Variants in TTC8 observed in about 807,000 individuals in gnomAD.
The protein encoded by TTC8 is tetratricopeptide repeat protein 8.
A neutral mutation model predicts 72.5 loss-of-function variants in TTC8; 47 were observed. The observed-to-expected ratio is 0.65, with a 90% CI of 0.51 to 0.83. The LOEUF is 0.83. TTC8 is among the 40% of genes least tolerant of loss of function. The pLI, the probability that TTC8 is intolerant of heterozygous loss-of-function variation, is 0.00. For missense variants in TTC8, 611 were observed against 623.2 expected (o/e 0.98, Z 0.21); for synonymous variants, 199 against 221.4 (o/e 0.90, Z 0.90).
In TTC8 at chr14:88,871,282, C is replaced by A. The variant is rs990703454; in HGVS notation, c.1050-267C>A. Among the ~76,000 whole-genome samples, 8 of 152,190 alleles carry A rather than the reference C, an allele frequency of 5.3e-5. No homozygotes were observed. The highest frequency in any genetic ancestry group is 1.9e-4 in the African/African-American group (8 of 41,438). On this transcript the variant is annotated intron_variant, in intron 11 of 14. Coordinates refer to ENST00000380656, the MANE Select transcript of TTC8 (RefSeq NM_144596.4). The surrounding 1 kb of genome is among the most constrained non-coding windows in gnomAD (Gnocchi z 4.1). ...TGTGACTATTTCTTATTTTGGTTCT[C>A]TAACAAAGCATTTGGGGAGAAAACT... is the stretch of plus-strand genomic sequence containing the variant.
At chr14:88,839,807 A>G (rs1002651943) in intron 3 of TTC8, among the ~76,000 whole-genome samples, 3 of 152,174 alleles carry the variant, frequency 2.0e-5, no homozygotes, top group African/African-American at 7.2e-5. Context: ...TATGAGATTG[A>G]TGTATAACAA....
intron 14 of TTC8, among the ~76,000 whole-genome samples, chr14:88,877,028 T>G (rs2094960143): frequency 6.6e-6 from 1 of 152,134 alleles, no homozygotes; most frequent in African/African-American, 2.4e-5. Flanking sequence ...TAGAAATTAT[T>G]TATATAATTG....
chr14:88,846,518 G>T, intron 7 of TTC8: 1 of 689,756 alleles, frequency 1.4e-6, no homozygotes, highest in South Asian at 1.9e-5. Context: ...TGAGGGGGAA[G>T]AGTTGTTGGT....
chr14:88,870,087 A>G lies in TTC8; in HGVS notation c.938A>G (p.Glu313Gly). The G allele has an allele frequency of 6.2e-7, 1 of 1,614,040 alleles. No individual in the cohort carries two copies. Among genetic ancestry groups the G allele is most frequent in the Non-Finnish European group, 8.5e-7 (1 of 1,179,944 alleles). ...EEMNNMSSAA[E>G]YYKEVLKQDN... Reference sequence around the variant, plus strand: ...ATGAACAATATGTCATCAGCAGCAGAATATTACAAAGAAGTTTTGAAACAA... The same window carrying G: ...ATGAACAATATGTCATCAGCAGCAGGATATTACAAAGAAGTTTTGAAACAA... Residue 313 changes from glutamate (E) to glycine (G), a missense_variant, in exon 11 of 15, where the codon GAA (glutamate) becomes GGA (glycine). Coordinates refer to ENST00000380656, the MANE Select transcript of TTC8 (RefSeq NM_144596.4).
intron 13 of TTC8, among the ~76,000 whole-genome samples, chr14:88,872,829 T>G (rs949016704): frequency 2.5e-4 from 38 of 152,118 alleles, no homozygotes; most frequent in Admixed American, 2.0e-4. Flanking sequence ...CACATCATAT[T>G]CAGCAAGCCC....
At chr14:88,850,933 G>A (rs184914828) in intron 7 of TTC8, among the ~76,000 whole-genome samples, 1 of 152,292 alleles carries the variant, frequency 6.6e-6, no homozygotes, top group African/African-American at 2.4e-5. Context: ...GTACATGGAA[G>A]GTATACAGTG....
At chr14:88,855,414 A>ACT (rs1223804185) in intron 8 of TTC8, among the ~76,000 whole-genome samples, 2 of 152,074 alleles carry the variant, frequency 1.3e-5, no homozygotes, top group African/African-American at 4.8e-5. Context: ...TATAAACTTG[A>ACT]CTGATGTTTT....
chr14:88,856,571 G>GT (rs2094857129), intron 8 of TTC8, among the ~76,000 whole-genome samples: 1 of 152,162 alleles, frequency 6.6e-6, no homozygotes, highest in Non-Finnish European at 1.5e-5. Flanking sequence ...TTTCCTGGGT[G>GT]TAAGAGGTAG....
rs150896551 is a variant in TTC8, at chr14:88,871,576, C to T, written c.1077C>T (p.Asn359=). 1.7e-3 allele frequency: 2,792 copies of T among 1,613,966 alleles called. 2 individuals carry two copies. Among genetic ancestry groups the T allele is most frequent in the Non-Finnish European group, 2.1e-3 (2,449 of 1,179,986 alleles). The change falls in exon 12 of 15, where the codon AAC becomes AAT. Residue 359 remains asparagine, a synonymous_variant. Coordinates refer to ENST00000380656, the MANE Select transcript of TTC8 (RefSeq NM_144596.4). This position sits in a 1 kb window ranked among gnomAD's most constrained non-coding sequence, Gnocchi z 4.1. ...GGCTGCTGCAGATGGGCATTTATAA[C>T]GGCCAGCTTTTTAACAATCTGGGGC... ...YRRLLQMGIY[N]GQLFNNLGLC... is the part of the protein sequence containing the mutation.
intron 2 of TTC8, among the ~76,000 whole-genome samples, chr14:88,837,664 T>C (rs1322804378): frequency 1.3e-5 from 2 of 152,224 alleles, no homozygotes; most frequent in African/African-American, 2.4e-5. Context: ...GGCAGGGCAG[T>C]ATGACCTGTA....
intron 2 of TTC8, among the ~76,000 whole-genome samples, chr14:88,835,223 T>C (rs1030310847): frequency 6.6e-6 from 1 of 152,228 alleles, no homozygotes; most frequent in Non-Finnish European, 1.5e-5. Context: ...CATGCTTTAA[T>C]CTACTGGCCT....
At chr14:88,829,688 C>T (rs1429617424) in intron 1 of TTC8, among the ~76,000 whole-genome samples, 1 of 152,078 alleles carries the variant, frequency 6.6e-6, no homozygotes, top group Non-Finnish European at 1.5e-5. Context: ...TCGTTTTGCC[C>T]CAATCTCTGC....
chr14:88,849,705 A>G (rs2094824895), intron 7 of TTC8, among the ~76,000 whole-genome samples: 1 of 152,200 alleles, frequency 6.6e-6, no homozygotes, highest in African/African-American at 2.4e-5. Context: ...GTGTTTATCT[A>G]CAGACTAATA....
chr14:88,824,297 G>T, upstream of TTC8: 1 of 184,904 alleles, frequency 5.4e-6, no homozygotes. Context: ...AATGGAAGAA[G>T]TAGGACAGAC....
intron 6 of TTC8, among the ~76,000 whole-genome samples, chr14:88,842,024 C>G (rs1399975834): frequency 3.3e-5 from 5 of 151,852 alleles, no homozygotes; most frequent in Non-Finnish European, 5.9e-5. Context: ...AGATTAAATG[C>G]TCCTTTAAAT....
At chr14:88,828,019 A>G (rs956290519) in intron 1 of TTC8, among the ~76,000 whole-genome samples, 7 of 152,078 alleles carry the variant, frequency 4.6e-5, no homozygotes, top group Non-Finnish European at 2.9e-5. Flanking sequence ...AGTTGTTCAT[A>G]TTTGTCAGCT....
rs1433366633 is a variant in TTC8, at chr14:88,872,418, C to G, written c.1313C>G (p.Ala438Gly). Residue 438 changes from alanine (A) to glycine (G), a missense_variant, in exon 13 of 15, where the codon GCT (alanine) becomes GGT (glycine). Transcript: ENST00000380656. Reference protein sequence around the residue: ...NNHAEAYNNLAVLEMRKGHVE... With the variant: ...NNHAEAYNNLGVLEMRKGHVE... The stretch of plus-strand genomic sequence containing the variant: ...CACGCCGAGGCCTACAACAACCTGG[C>G]TGTGCTGGAGATGCGGAAGGGCCAC... 4 of 1,614,032 alleles carry G rather than the reference C, an allele frequency of 2.5e-6. No individual in the cohort carries two copies. The highest frequency in any genetic ancestry group is 1.7e-5 in the Admixed American group (1 of 60,010).
rs2094934800 is a variant in TTC8, at chr14:88,871,702, C to A, written c.1203C>A (p.Tyr401Ter). ...AAGAAGAGGCAGCTGATGTCTGGTA[C>A]AACTTGGGACATGTAGCTGTGGTAT... ...ENEEEAADVW[Y>*]NLGHVAVGIG... Residue 401 changes from tyrosine (Y) to a stop codon, truncating the protein, a stop_gained, in exon 12 of 15, where the codon TAC becomes TAA. Transcript: ENST00000380656. LOFTEE classifies it high-confidence loss of function. The surrounding 1 kb of genome is among the most constrained non-coding windows in gnomAD (Gnocchi z 4.1). The A allele has an allele frequency of 6.2e-7, 1 of 1,613,946 alleles. No individual in the cohort carries two copies. The highest frequency in any genetic ancestry group is 1.3e-5 in the African/African-American group (1 of 74,910).
At chr14:88,843,209 G>A (rs972556289) in intron 6 of TTC8, among the ~76,000 whole-genome samples, 8 of 152,114 alleles carry the variant, frequency 5.3e-5, no homozygotes, top group African/African-American at 1.9e-4. Flanking sequence ...AAAATATAAG[G>A]TCAGGGCTTT....
Sources: gnomAD v4.1 joint callset for allele counts (sites outside exome capture counted in the v4.1 genomes callset) on GRCh38, gnomAD v4.1.1 for gene constraint, Gnocchi (gnomAD v3.1) non-coding constraint, MANE v1.5 for transcripts, NCBI Gene and HGNC (gene_info 2026-07-23, HGNC 2026-07-21) for gene names.